The following UMODL1 variants were observed in gnomAD, a reference collection of about 807,000 sequenced individuals.
UMODL1 encodes the protein uromodulin like 1.
In UMODL1, 128 loss-of-function variants were observed where a neutral mutation model predicts 136.3. The ratio of observed to expected loss-of-function variants is 0.94; its 90% CI spans 0.81 to 1.09. The LOEUF is 1.09. Ranked by LOEUF, UMODL1 falls within the 50% of genes least tolerant of loss-of-function variation. UMODL1 has a pLI of 0.00. For missense variants in UMODL1, 1,766 were observed against 1,725.6 expected, an observed-to-expected ratio of 1.02 and a Z score of -0.41; for synonymous variants, 721 against 720.0, an observed-to-expected ratio of 1.00 and a Z score of -0.02.
intron 6 of UMODL1, among the ~76,000 whole-genome samples, chr21:42,096,802 G>A (rs970365325): frequency 3.3e-5 from 5 of 152,156 alleles, no homozygotes; most frequent in African/African-American, 1.2e-4. Context: ...CTCCACCAAC[G>A]TGGATTAAAA....
In UMODL1 at chr21:42,085,442, C is replaced by A; in HGVS notation, c.603+30C>A. The A allele has an allele frequency of 6.2e-7, 1 of 1,613,114 alleles. No homozygotes were observed. Among genetic ancestry groups the A allele is most frequent in the Non-Finnish European group, 8.5e-7 (1 of 1,179,752 alleles). On this transcript the variant is annotated intron_variant, in intron 4 of 22. Transcript: ENST00000408910. This position sits in a 1 kb window ranked among gnomAD's most constrained non-coding sequence, Gnocchi z 4.5. ...GTGAGACAGACGGGGGCTGCCTGCA[C>A]CCTCCTTGTGGCAGCTGCTCAGGCA...
rs1198033152 is a variant in UMODL1, at chr21:42,085,332, A to G, written c.523A>G (p.Ile175Val). ...DPVGSWYNVT[I>V]LVKMDFKELQ... The stretch of plus-strand genomic sequence containing the variant: ...TGTGGGCTCCTGGTACAACGTCACC[A>G]TACTGGTGAAAATGGACTTCAAGGA... The change falls in exon 4 of 23, where the codon ATA becomes GTA. Residue 175 changes from isoleucine to valine, a missense_variant. Coordinates refer to ENST00000408910, the MANE Select transcript of UMODL1 (RefSeq NM_001004416.3). The surrounding 1 kb of genome is among the most constrained non-coding windows in gnomAD (Gnocchi z 4.5). 1.2e-5 allele frequency: 20 copies of G among 1,614,070 alleles called. No homozygotes were observed. The highest frequency in any genetic ancestry group is 1.7e-5 in the Admixed American group (1 of 60,016).
At chr21:42,092,385 G>GT (rs1225889236) in intron 6 of UMODL1, among the ~76,000 whole-genome samples, 6 of 119,192 alleles carry the variant, frequency 5.0e-5, no homozygotes, top group Non-Finnish European at 9.7e-5. Context: ...AGGGTTGAGG[G>GT]TTTTTTTGTT....
chr21:42,127,052 A>G lies in UMODL1; in HGVS notation c.3340A>G (p.Thr1114Ala). Residue 1114 changes from threonine to alanine, a missense_variant, in exon 19 of 23, where the codon ACC (threonine) becomes GCC (alanine). Transcript: ENST00000408910. The part of the protein sequence containing the change: ...EDLHGAGNFV[T>A]EMQLFIGDSP... Reference sequence around the variant, plus strand: ...CCTCCACGGCGCTGGGAATTTTGTTACCGAAATGCAGTTGTTTATCGGAGA... The same window carrying G: ...CCTCCACGGCGCTGGGAATTTTGTTGCCGAAATGCAGTTGTTTATCGGAGA... The G allele has an allele frequency of 6.2e-7, 1 of 1,614,130 alleles. No homozygotes were observed. The highest frequency in any genetic ancestry group is 1.3e-5 in the African/African-American group (1 of 75,012).
At chr21:42,080,892 A>G (rs1428232548) in intron 2 of UMODL1, among the ~76,000 whole-genome samples, 1 of 152,232 alleles carries the variant, frequency 6.6e-6, no homozygotes, top group East Asian at 1.9e-4. Context: ...ATTACCTCAT[A>G]CGCACATCAG....
At position 42,122,385 on chromosome 21, in the gene UMODL1, A is replaced by G. The variant is rs547339491; in HGVS notation, c.2828-446A>G. Reference sequence around the variant, plus strand: ...CCTCAAGAGGAGGCATCATTACCCCATCTTAGAGAATAGACTCAGGGCTCT... The same window carrying G: ...CCTCAAGAGGAGGCATCATTACCCCGTCTTAGAGAATAGACTCAGGGCTCT... On this transcript the variant is annotated intron_variant, in intron 16 of 22. Coordinates refer to ENST00000408910, the MANE Select transcript of UMODL1 (RefSeq NM_001004416.3). This position sits in a 1 kb window ranked among gnomAD's most constrained non-coding sequence, Gnocchi z 4.3. Among the ~76,000 whole-genome samples, 12 of 152,268 alleles carry G rather than the reference A, an allele frequency of 7.9e-5. No homozygotes were observed. In the East Asian group the frequency reaches 2.3e-3, roughly 29 times the overall value.
At chr21:42,113,457 C>A (rs2066862688) in intron 12 of UMODL1, 116 bp from the exon 13 acceptor site, 1 of 1,338,028 alleles carries the variant, frequency 7.5e-7, no homozygotes. Flanking sequence ...GCGGCCATCA[C>A]CTGCAAATCG....
chr21:42,116,047 A>G, intron 14 of UMODL1, 62 bp downstream of exon 14: 3 of 1,444,896 alleles, frequency 2.1e-6, no homozygotes, highest in Non-Finnish European at 2.9e-6. Context: ...GGCTGATAGA[A>G]TTCTAGGTTA....
intron 7 of UMODL1, chr21:42,101,584 C>A: frequency 2.6e-6 from 1 of 389,688 alleles, no homozygotes; most frequent in Non-Finnish European, 5.1e-6. Flanking sequence ...TGCTGGGTTT[C>A]CTTTCAGTAA....
At chr21:42,097,439 G>A (rs917804366) in intron 6 of UMODL1, among the ~76,000 whole-genome samples, 15 of 152,352 alleles carry the variant, frequency 9.8e-5, no homozygotes, top group African/African-American at 3.6e-4. Context: ...GCGTGGTGGT[G>A]ACTGGGCACT....
intron 13 of UMODL1, among the ~76,000 whole-genome samples, chr21:42,114,966 G>C (rs1048938165): frequency 2.0e-5 from 3 of 152,248 alleles, no homozygotes; most frequent in African/African-American, 7.2e-5. Flanking sequence ...CAGCCATGGA[G>C]ACTGAACCAG....
Position 42,121,078 on chromosome 21 carries a change from G to T in UMODL1, c.2690-9G>T. ...TGTTCTTCTGTTTTGTCTTCTAAAT[G>T]TTGTGCAGATTACGATGAGTGTGAA... is the stretch of plus-strand genomic sequence containing the variant. On this transcript the variant is annotated splice_polypyrimidine_tract_variant and intron_variant, in intron 15 of 22. Transcript: ENST00000408910. 6.2e-7 allele frequency: 1 copy of T among 1,610,938 alleles called. No individual in the cohort carries two copies. The highest frequency in any genetic ancestry group is 8.5e-7 in the Non-Finnish European group (1 of 1,178,440).
chr21:42,126,528 G>T (rs367911195), intron 18 of UMODL1, 38 bp downstream of exon 18: 1 of 1,613,752 alleles, frequency 6.2e-7, no homozygotes. Context: ...ACAGCCACGT[G>T]CCTCCAGACC....
chr21:42,076,775 G>A (rs531609140), intron 2 of UMODL1, among the ~76,000 whole-genome samples: 4 of 152,252 alleles, frequency 2.6e-5, no homozygotes, highest in East Asian at 1.9e-4. Flanking sequence ...ACTCCAATAC[G>A]TGAAAGAGCT....
At chr21:42,066,963 C>A (rs891965030), upstream of UMODL1, among the ~76,000 whole-genome samples, 2 of 144,484 alleles carry the variant, frequency 1.4e-5, no homozygotes, top group East Asian at 2.0e-4. Flanking sequence ...TTAGAGCACA[C>A]GTCTTTTTTC....
At chr21:42,074,966 A>G (rs566199298) in intron 1 of UMODL1, among the ~76,000 whole-genome samples, 1 of 151,760 alleles carries the variant, frequency 6.6e-6, no homozygotes, top group East Asian at 1.9e-4. Flanking sequence ...CAGTGGCGCA[A>G]TCTTGGCTCA....
intron 21 of UMODL1, among the ~76,000 whole-genome samples, chr21:42,131,138 A>G (rs2067129372): frequency 6.6e-6 from 1 of 152,186 alleles, no homozygotes; most frequent in Non-Finnish European, 1.5e-5. Flanking sequence ...TGACAGAAGG[A>G]AAGAAACTTC....
chr21:42,076,079 G>A lies in UMODL1; in HGVS notation c.151G>A (p.Val51Met), dbSNP rs571308622. The A allele has an allele frequency of 2.5e-6, 4 of 1,614,246 alleles. No individual in the cohort carries two copies. Among genetic ancestry groups the A allele is most frequent in the Admixed American group, 1.7e-5 (1 of 60,036 alleles). The stretch of plus-strand genomic sequence containing the variant: ...CCACACTGTACAGAAGGTGGAGGCC[G>A]TGCAGACGTCCTACACGTCCTATGT... ...VTHTVQKVEA[V>M]QTSYTSYVSC... The change falls in exon 2 of 23, where the codon GTG becomes ATG. Residue 51 changes from valine (V) to methionine (M), a missense_variant. Transcript: ENST00000408910.
Position 42,109,623 on chromosome 21 carries a change from C to T in UMODL1, c.1581C>T (p.Asn527=). 3 of 1,610,954 alleles carry T rather than the reference C, an allele frequency of 1.9e-6. No homozygotes were observed. Among genetic ancestry groups the T allele is most frequent in the Non-Finnish European group, 2.5e-6 (3 of 1,180,016 alleles). ...HDCSPAAWCI[N]LEGSYTCQCR... Reference sequence around the variant, plus strand: ...GCTCACCGGCTGCCTGGTGCATCAACCTGGAGGGCTCCTACACCTGCCAGT... The same window carrying T: ...GCTCACCGGCTGCCTGGTGCATCAATCTGGAGGGCTCCTACACCTGCCAGT... The change falls in exon 10 of 23, where the codon AAC becomes AAT. Residue 527 remains asparagine, a synonymous_variant. Transcript: ENST00000408910.
Sources: gnomAD v4.1 joint callset for allele counts (sites outside exome capture counted in the v4.1 genomes callset) on GRCh38, gnomAD v4.1.1 for gene constraint, Gnocchi (gnomAD v3.1) non-coding constraint, MANE v1.5 for transcripts, NCBI Gene and HGNC (gene_info 2026-07-23, HGNC 2026-07-21) for gene names.